PRKD1: variants seen among roughly 807,000 people sequenced by gnomAD.
PRKD1 encodes the protein protein kinase D1, also known as serine/threonine-protein kinase D1.
Under a neutral mutation model 95.9 loss-of-function variants are expected in PRKD1, and 63 were observed. That is an observed-to-expected ratio of 0.66 (90% CI 0.54 to 0.81). The LOEUF is 0.81. PRKD1 is among the 30% of genes least tolerant of loss of function. The pLI is 0.00. For missense variants in PRKD1, 1,048 were observed against 1,165.3 expected (o/e 0.90, Z 1.47); for synonymous variants, 425 against 423.1 (o/e 1.00, Z -0.05).
At chr14:29,675,976 TCGTGGGG>T (rs1270308289) in intron 2 of PRKD1, among the ~76,000 whole-genome samples, 3 of 97,536 alleles carry the variant, frequency 3.1e-5, no homozygotes, top group Admixed American at 1.5e-4. Flanking sequence ...TCGGGGCCTG[TCGTGGGG>T]TGGGGGGTGG....
chr14:29,725,283 T>A (rs1274139752), intron 2 of PRKD1, among the ~76,000 whole-genome samples: 9 of 152,164 alleles, frequency 5.9e-5, no homozygotes. Flanking sequence ...CATCTGTATG[T>A]TGCTAGAGGC....
intron 1 of PRKD1, among the ~76,000 whole-genome samples, chr14:29,900,223 T>C (rs187225397): frequency 1.2e-4 from 19 of 152,224 alleles, no homozygotes; most frequent in Non-Finnish European, 2.6e-4. Flanking sequence ...ACGTTTATTA[T>C]CCTTACTTCA....
intron 12 of PRKD1, 52 bp from the exon 13 acceptor site, chr14:29,624,310 T>A: frequency 7.9e-7 from 1 of 1,258,194 alleles, no homozygotes; most frequent in Non-Finnish European, 1.1e-6. Context: ...TCATCTATCT[T>A]AAAGAACACT....
At chr14:29,604,220 T>C (rs1893625391) in intron 13 of PRKD1, among the ~76,000 whole-genome samples, 1 of 152,244 alleles carries the variant, frequency 6.6e-6, no homozygotes, top group Admixed American at 6.5e-5. Flanking sequence ...CTAATATTCT[T>C]TAAGTCTAAC....
intron 1 of PRKD1, among the ~76,000 whole-genome samples, chr14:29,887,123 AAATGTT>A (rs1309992556): frequency 6.6e-6 from 1 of 152,188 alleles, no homozygotes; most frequent in Non-Finnish European, 1.5e-5. Context: ...TTGTTCTTGC[AAATGTT>A]AATATAAAAC....
At chr14:29,690,048 C>T (rs2225899) in intron 2 of PRKD1, among the ~76,000 whole-genome samples, 68,379 of 151,940 alleles carry the variant, frequency 0.45, 16,153 homozygotes, top group African/African-American at 0.6. Flanking sequence ...TTGATCTATA[C>T]AGCAAATCAC....
At chr14:29,764,980 C>T (rs1329703852) in intron 1 of PRKD1, among the ~76,000 whole-genome samples, 1 of 152,114 alleles carries the variant, frequency 6.6e-6, no homozygotes, top group Non-Finnish European at 1.5e-5. Flanking sequence ...CCAACATAAA[C>T]TCAGGTACAA....
At chr14:29,775,346 G>A (rs992263358) in intron 1 of PRKD1, among the ~76,000 whole-genome samples, 2 of 152,200 alleles carry the variant, frequency 1.3e-5, no homozygotes, top group African/African-American at 4.8e-5. Flanking sequence ...AGCAGGGCGA[G>A]GCATCGCCTC....
chr14:29,829,610 C>T (rs1443303833), intron 1 of PRKD1, among the ~76,000 whole-genome samples: 2 of 152,004 alleles, frequency 1.3e-5, no homozygotes, highest in Non-Finnish European at 2.9e-5. Context: ...AATAAGAGAC[C>T]TTCTTTTAAA....
intron 2 of PRKD1, among the ~76,000 whole-genome samples, chr14:29,693,822 A>C (rs1208856826): frequency 6.6e-6 from 1 of 152,176 alleles, no homozygotes. Context: ...TGTTACCCAG[A>C]TGGTTTCCTG....
At chr14:29,860,246 A>T (rs1222218323) in intron 1 of PRKD1, among the ~76,000 whole-genome samples, 1 of 152,244 alleles carries the variant, frequency 6.6e-6, no homozygotes, top group Non-Finnish European at 1.5e-5. Context: ...TTTAGACATG[A>T]CCCACTGTGT....
intron 1 of PRKD1, among the ~76,000 whole-genome samples, chr14:29,893,588 GA>G (rs1196144871): frequency 2.6e-5 from 4 of 152,158 alleles, no homozygotes; most frequent in Admixed American, 6.5e-5. Flanking sequence ...CATATGTAAT[GA>G]AAAAACATAT....
At chr14:29,690,772 T>A (rs1211893050) in intron 2 of PRKD1, among the ~76,000 whole-genome samples, 3 of 152,200 alleles carry the variant, frequency 2.0e-5, no homozygotes, top group Non-Finnish European at 4.4e-5. Context: ...CTTTGTGACA[T>A]GTATGTGCAC....
intron 1 of PRKD1, among the ~76,000 whole-genome samples, chr14:29,857,727 C>A (rs1892560349): frequency 6.6e-6 from 1 of 152,070 alleles, no homozygotes; most frequent in Admixed American, 6.5e-5. Flanking sequence ...GTAAAGCAGG[C>A]TGCGGGGAGG....
At chr14:29,615,543 T>C (rs1189033232) in intron 13 of PRKD1, among the ~76,000 whole-genome samples, 1 of 152,232 alleles carries the variant, frequency 6.6e-6, no homozygotes, top group Non-Finnish European at 1.5e-5. Flanking sequence ...TTATGAATCT[T>C]CCCAGGTTTT....
At chr14:29,900,902 C>T (rs76072688) in intron 1 of PRKD1, among the ~76,000 whole-genome samples, 9,871 of 152,222 alleles carry the variant, frequency 0.065, 395 homozygotes, top group South Asian at 0.11. Context: ...GAAATGCAAA[C>T]TAATTCAGCC....
intron 13 of PRKD1, among the ~76,000 whole-genome samples, chr14:29,622,803 A>T (rs1879366794): frequency 1.3e-5 from 2 of 152,174 alleles, no homozygotes; most frequent in Non-Finnish European, 2.9e-5. Flanking sequence ...TAGAACCCCA[A>T]TATCTAGTCA....
chr14:29,644,959 C>G (rs768543609), intron 4 of PRKD1, among the ~76,000 whole-genome samples: 1 of 152,038 alleles, frequency 6.6e-6, no homozygotes, highest in Non-Finnish European at 1.5e-5. Context: ...ATTTATACCT[C>G]CATGTTACAC....
chr14:29,610,764 T>A (rs1878407683), intron 13 of PRKD1, among the ~76,000 whole-genome samples: 1 of 152,224 alleles, frequency 6.6e-6, no homozygotes, highest in African/African-American at 2.4e-5. Flanking sequence ...AACCAAGATG[T>A]CTTTCAGTAG....
Sources: gnomAD v4.1 joint callset for allele counts (sites outside exome capture counted in the v4.1 genomes callset) on GRCh38, gnomAD v4.1.1 for gene constraint, MANE v1.5 for transcripts, NCBI Gene and HGNC (gene_info 2026-07-23, HGNC 2026-07-21) for gene names.